HDAC9: variants seen among roughly 807,000 people sequenced by gnomAD.
The protein encoded by HDAC9 is histone deacetylase 9.
HDAC9 carries 41 observed loss-of-function variants against 139.4 expected under a neutral mutation model. That is an observed-to-expected ratio of 0.29 (90% CI 0.23 to 0.38). The LOEUF is 0.38. Ranked by LOEUF, HDAC9 falls within the 10% of genes least tolerant of loss-of-function variation. HDAC9 has a pLI of 1.00. For missense variants in HDAC9, 1,147 were observed against 1,297.0 expected (o/e 0.88, Z 1.78); for synonymous variants, 517 against 476.2 (o/e 1.09, Z -1.12).
chr7:18,957,662 T>C (rs1000585899), intron 24 of HDAC9, among the ~76,000 whole-genome samples: 1 of 152,154 alleles, frequency 6.6e-6, no homozygotes, highest in Admixed American at 6.5e-5. Context: ...GAACCAAGCA[T>C]GGGGTCTTTC....
intron 23 of HDAC9, among the ~76,000 whole-genome samples, chr7:18,939,126 G>T (rs371405681): frequency 6.6e-6 from 1 of 152,162 alleles, no homozygotes; most frequent in Non-Finnish European, 1.5e-5. Context: ...ATACCAGCTT[G>T]TCCCTTTTGG....
At chr7:18,914,138 A>C (rs553689149) in intron 22 of HDAC9, among the ~76,000 whole-genome samples, 2 of 151,838 alleles carry the variant, frequency 1.3e-5, no homozygotes, top group African/African-American at 4.8e-5. Flanking sequence ...ACACCATGTG[A>C]GGACGTGGTG....
chr7:18,117,177 C>T (rs1441090789), intron 1 of HDAC9, among the ~76,000 whole-genome samples: 1 of 152,026 alleles, frequency 6.6e-6, no homozygotes, highest in African/African-American at 2.4e-5. Flanking sequence ...GAAAAAAGGT[C>T]TTTGCCGATG....
At chr7:18,821,973 A>G (rs1795008969) in intron 17 of HDAC9, among the ~76,000 whole-genome samples, 1 of 152,184 alleles carries the variant, frequency 6.6e-6, no homozygotes, top group South Asian at 2.1e-4. Flanking sequence ...GGGAAGAGGT[A>G]TGGAGGAGGG....
chr7:18,394,838 A>G (rs1308153933), intron 1 of HDAC9, among the ~76,000 whole-genome samples: 1 of 152,072 alleles, frequency 6.6e-6, no homozygotes, highest in Non-Finnish European at 1.5e-5. Flanking sequence ...CTGATACCAA[A>G]GGACACTATG....
chr7:18,504,384 C>A (rs1216978847), intron 2 of HDAC9, among the ~76,000 whole-genome samples: 1 of 152,190 alleles, frequency 6.6e-6, no homozygotes. Context: ...TGGCTCACTG[C>A]AACCTCCACC....
At chr7:18,283,520 G>C (rs551893490) in intron 2 of HDAC9, among the ~76,000 whole-genome samples, 22 of 152,284 alleles carry the variant, frequency 1.4e-4, no homozygotes, top group African/African-American at 5.1e-4. Context: ...AAAGCAGAAA[G>C]TTTAACAGTG....
chr7:18,320,367 A>G (rs1180804164), intron 1 of HDAC9, among the ~76,000 whole-genome samples: 1 of 152,186 alleles, frequency 6.6e-6, no homozygotes, highest in Non-Finnish European at 1.5e-5. Context: ...CTTGCTGTGA[A>G]TAGTACAAGC....
At chr7:18,777,498 C>T (rs374397369) in intron 16 of HDAC9, among the ~76,000 whole-genome samples, 2 of 151,862 alleles carry the variant, frequency 1.3e-5, no homozygotes, top group South Asian at 2.1e-4. Context: ...ATAGAATGGA[C>T]CAAATAATGA....
chr7:18,889,116 C>G (rs1001469812), intron 22 of HDAC9, among the ~76,000 whole-genome samples: 3 of 152,202 alleles, frequency 2.0e-5, no homozygotes, highest in African/African-American at 7.2e-5. Context: ...CTCTATGCTC[C>G]TCTGCCAACC....
intron 12 of HDAC9, among the ~76,000 whole-genome samples, chr7:18,718,128 A>G (rs1784847317): frequency 6.6e-6 from 1 of 152,160 alleles, no homozygotes; most frequent in Admixed American, 6.5e-5. Flanking sequence ...CAGTAACTTC[A>G]TCCTCCTACA....
chr7:18,762,729 T>C (rs571121974), intron 15 of HDAC9, among the ~76,000 whole-genome samples: 1 of 152,330 alleles, frequency 6.6e-6, no homozygotes, highest in Non-Finnish European at 1.5e-5. Context: ...ATTATTACTA[T>C]GCCCATCACA....
At chr7:18,171,940 A>G (rs1251434432) in intron 2 of HDAC9, among the ~76,000 whole-genome samples, 3 of 152,186 alleles carry the variant, frequency 2.0e-5, no homozygotes, top group Non-Finnish European at 2.9e-5. Flanking sequence ...CTTTGGTATC[A>G]GGATGATGCT....
intron 11 of HDAC9, 33 bp downstream of exon 11, chr7:18,648,716 C>T (rs779535955): frequency 6.4e-7 from 1 of 1,570,308 alleles, no homozygotes; most frequent in Non-Finnish European, 8.7e-7. Context: ...AATGTTCTAA[C>T]CGCCAGTTTG....
At chr7:18,861,549 C>G (rs937968260) in intron 21 of HDAC9, among the ~76,000 whole-genome samples, 1 of 152,102 alleles carries the variant, frequency 6.6e-6, no homozygotes, top group Non-Finnish European at 1.5e-5. Context: ...TACACTAATA[C>G]TATTCTCACA....
At chr7:18,255,085 A>G (rs1039716518) in intron 2 of HDAC9, among the ~76,000 whole-genome samples, 1 of 152,206 alleles carries the variant, frequency 6.6e-6, no homozygotes, top group Non-Finnish European at 1.5e-5. Context: ...CTGTTAATGC[A>G]TGCCTCTTGG....
chr7:18,301,200 C>G (rs1460528663), intron 1 of HDAC9, among the ~76,000 whole-genome samples: 2 of 151,878 alleles, frequency 1.3e-5, no homozygotes, highest in Non-Finnish European at 2.9e-5. Context: ...TTAAATTGCT[C>G]AATTGAAACT....
chr7:18,543,253 G>A (rs954308172), intron 2 of HDAC9: 2 of 152,054 alleles, frequency 1.3e-5, no homozygotes, highest in Non-Finnish European at 2.9e-5. Context: ...ACATGAAAAC[G>A]ACATGGAAGA....
At chr7:18,740,993 G>A (rs1194298862) in intron 13 of HDAC9, among the ~76,000 whole-genome samples, 3 of 152,188 alleles carry the variant, frequency 2.0e-5, no homozygotes, top group African/African-American at 7.2e-5. Context: ...AGAGAGGTGA[G>A]GAAGTTGCTG....
Sources: allele counts gnomAD v4.1 joint callset (sites outside exome capture counted in the v4.1 genomes callset), GRCh38; gene constraint gnomAD v4.1.1; transcripts MANE v1.5; gene names NCBI Gene and HGNC (gene_info 2026-07-23, HGNC 2026-07-21).